Variants in ELMO2 observed in about 807,000 individuals in gnomAD.
ELMO2 encodes the protein engulfment and cell motility protein 2.
Under a neutral mutation model 96.2 loss-of-function variants are expected in ELMO2, and 37 were observed. The ratio of observed to expected loss-of-function variants is 0.38; its 90% CI spans 0.30 to 0.51. The LOEUF is 0.51. ELMO2 is among the 20% of genes least tolerant of loss of function. ELMO2 has a pLI of 0.88. For synonymous variants in ELMO2, 315 were observed against 329.4 expected, an observed-to-expected ratio of 0.96 and a Z score of 0.47; for missense variants, 561 against 912.6, an observed-to-expected ratio of 0.61 and a Z score of 4.96.
rs2059705917 is a variant in ELMO2, at chr20:46,371,499, T to A, written c.1694-40A>T. On this transcript the variant is annotated intron_variant, in intron 18 of 21. Transcript: ENST00000290246. This position sits in a 1 kb window ranked among gnomAD's most constrained non-coding sequence, Gnocchi z 5.9. ...AAGCCAAACAGGTGAGCAACGACAG[T>A]ACTGGGAAAGGCCTGGGCACAAAAG... 29 of 1,612,910 alleles carry A rather than the reference T, an allele frequency of 1.8e-5. No homozygotes were observed. Among genetic ancestry groups the A allele is most frequent in the Non-Finnish European group, 2.4e-5 (28 of 1,179,058 alleles).
At chr20:46,382,321 C>CA (rs2059971650) in intron 10 of ELMO2, 1 of 1,237,214 alleles carries the variant, frequency 8.1e-7, no homozygotes, top group East Asian at 5.6e-5. Flanking sequence ...ACCGGGAAGG[C>CA]AGATTAACAG....
At position 46,375,177 on chromosome 20, in the gene ELMO2, A is replaced by C. The variant is rs2059832517; in HGVS notation, c.1065+59T>G. 3.8e-6 allele frequency: 6 copies of C among 1,580,776 alleles called. No individual in the cohort carries two copies. The Admixed American group carries it at 8.5e-5, about 22-fold the overall frequency. ...GTTGTCAGAGCTCTGTCTGGGTGGG[A>C]CCATTGACTTCCCATCAGGGGAGAG... On this transcript the variant is annotated intron_variant, in intron 13 of 21. Transcript: ENST00000290246. The surrounding 1 kb of genome is among the most constrained non-coding windows in gnomAD (Gnocchi z 4.6).
Position 46,371,854 on chromosome 20 carries a change from C to T in ELMO2, c.1532G>A (p.Arg511His). 6.2e-7 allele frequency: 1 copy of T among 1,614,182 alleles called. No individual in the cohort carries two copies. The highest frequency in any genetic ancestry group is 8.5e-7 in the Non-Finnish European group (1 of 1,180,036). Residue 511 changes from arginine to histidine, a missense_variant, in exon 17 of 22, where the codon CGC becomes CAC. Coordinates refer to ENST00000290246, the MANE Select transcript of ELMO2 (RefSeq NM_133171.5). The surrounding 1 kb of genome is among the most constrained non-coding windows in gnomAD (Gnocchi z 5.9). ...SLSYSEILRL[R>H]QSERMSQDDF... ...ATCCTGACTCATCCTCTCAGACTGG[C>T]GCAGTCGTAGAATCTCAGAGTAACT... is the stretch of plus-strand genomic sequence containing the variant.
intron 9 of ELMO2, among the ~76,000 whole-genome samples, chr20:46,384,860 G>T (rs1030972178): frequency 4.0e-5 from 6 of 151,602 alleles, no homozygotes; most frequent in Admixed American, 3.9e-4. Flanking sequence ...CCAGCTACTC[G>T]GGAGGCTGAG....
chr20:46,404,412 C>T (rs2060389514), intron 1 of ELMO2, among the ~76,000 whole-genome samples: 1 of 152,178 alleles, frequency 6.6e-6, no homozygotes, highest in Non-Finnish European at 1.5e-5. Flanking sequence ...ACTTCCTTTG[C>T]ACCTCCTAGA....
chr20:46,370,669 G>A, intron 19 of ELMO2, 144 bp from the exon 20 acceptor site: 1 of 755,464 alleles, frequency 1.3e-6, no homozygotes, highest in Non-Finnish European at 2.3e-6. Context: ...AGCTCAGTGA[G>A]GGTGGTGGGG....
In ELMO2 at chr20:46,390,586, A is replaced by G. The variant is rs2145832299; in HGVS notation, c.244-1366T>C. On this transcript the variant is annotated intron_variant, in intron 6 of 21. Coordinates refer to ENST00000290246, the MANE Select transcript of ELMO2 (RefSeq NM_133171.5). The stretch of plus-strand genomic sequence containing the variant: ...AAGCTGCGGCTAAAATCCCTCCTCT[A>G]GTATTCACTGGGCTTTCCTTCCGCT... 2.0e-5 allele frequency among the ~76,000 whole-genome samples: 3 copies of G among 152,342 alleles called. 1 individual carries two copies. The Middle Eastern group carries it at 0.01, about 518-fold the overall frequency.
At chr20:46,378,591 G>A (rs184988680) in intron 11 of ELMO2, among the ~76,000 whole-genome samples, 7 of 152,346 alleles carry the variant, frequency 4.6e-5, no homozygotes, top group African/African-American at 1.7e-4. Flanking sequence ...GTAGCTGGGT[G>A]TGACCAGGGA....
intron 1 of ELMO2, among the ~76,000 whole-genome samples, chr20:46,406,106 G>C (rs1301868453): frequency 6.6e-6 from 1 of 152,146 alleles, no homozygotes; most frequent in Non-Finnish European, 1.5e-5. Flanking sequence ...GGTGGACGCG[G>C]GCAGCCGGGT....
At chr20:46,382,247 G>A (rs562559094) in intron 10 of ELMO2, 92 of 1,289,798 alleles carry the variant, frequency 7.1e-5, no homozygotes, top group East Asian at 3.3e-4. Context: ...TTGTCCTGCC[G>A]GCAGAAAGCA....
At chr20:46,405,113 C>G (rs2060405584) in intron 1 of ELMO2, among the ~76,000 whole-genome samples, 1 of 152,158 alleles carries the variant, frequency 6.6e-6, no homozygotes, top group Admixed American at 6.5e-5. Flanking sequence ...TGAAGCAAAA[C>G]CGACACTATC....
chr20:46,368,495 C>T (rs999475774), intron 21 of ELMO2, among the ~76,000 whole-genome samples: 1 of 151,982 alleles, frequency 6.6e-6, no homozygotes, highest in Non-Finnish European at 1.5e-5. Flanking sequence ...GAGAATTTTC[C>T]CAGTCCCAGG....
At position 46,385,010 on chromosome 20, in the gene ELMO2, A is replaced by C. The variant is rs1467720611; in HGVS notation, c.677+1114T>G. 2.0e-5 allele frequency among the ~76,000 whole-genome samples: 3 copies of C among 152,168 alleles called. No homozygotes were observed. The East Asian group carries it at 5.8e-4, about 29-fold the overall frequency. On this transcript the variant is annotated intron_variant, in intron 9 of 21. Transcript: ENST00000290246. ...AAATTCCTTAAAAGTGACAAGGAGA[A>C]ATCAGAGTTGCAAAGAAATAATTGT... is the stretch of plus-strand genomic sequence containing the variant.
intron 7 of ELMO2, 112 bp downstream of exon 7, chr20:46,388,927 C>T: frequency 1.9e-6 from 2 of 1,055,876 alleles, no homozygotes; most frequent in East Asian, 2.4e-5. Context: ...GCTCTGCACA[C>T]AGGTGGTATT....
At chr20:46,391,771 C>T (rs1006912003) in intron 6 of ELMO2, among the ~76,000 whole-genome samples, 5 of 152,180 alleles carry the variant, frequency 3.3e-5, no homozygotes, top group African/African-American at 9.7e-5. Context: ...ACAACCAACA[C>T]GAAGGGTCAG....
At position 46,366,186 on chromosome 20, in the gene ELMO2, G is replaced by C. The variant is rs536045192; in HGVS notation, c.*1174C>G. The C allele has an allele frequency of 2.6e-5, 4 of 152,678 alleles. No homozygotes were observed. Among genetic ancestry groups the C allele is most frequent in the African/African-American group, 7.2e-5 (3 of 41,528 alleles). 9.5% of individuals were successfully genotyped at this position (152,678 alleles called of 1,614,324 possible). On this transcript the variant is annotated 3_prime_UTR_variant, in exon 22 of 22. Transcript: ENST00000290246. ...CCCCTCAATTTTATTTTTCCCCAAGGTTCCATCCTAAGATAGGTAGATCTT... is the reference window on the plus strand; with the variant it reads ...CCCCTCAATTTTATTTTTCCCCAAGCTTCCATCCTAAGATAGGTAGATCTT...
Position 46,367,410 on chromosome 20 carries a change from G to A in ELMO2, c.2113C>T (p.Pro705Ser). The change falls in exon 22 of 22, where the codon CCC becomes TCC. Residue 705 changes from proline to serine, a missense_variant. By Grantham distance (74) the Pro-to-Ser change is moderately conservative (BLOSUM62 -1). Transcript: ENST00000290246. ...TAGCTGCTGGGCTCCTTGGGGATGG[G>A]GGGTGGGGCTTCGGGAATCTGGATG... ...ENIQIPEAPP[P>S]IPKEPSSYDF... 6.2e-7 allele frequency: 1 copy of A among 1,610,354 alleles called. No homozygotes were observed. Among genetic ancestry groups the A allele is most frequent in the Non-Finnish European group, 8.5e-7 (1 of 1,178,494 alleles).
intron 21 of ELMO2, among the ~76,000 whole-genome samples, chr20:46,367,762 T>C (rs1158648207): frequency 6.6e-6 from 1 of 152,172 alleles, no homozygotes; most frequent in Non-Finnish European, 1.5e-5. Flanking sequence ...TAAGGGGTTT[T>C]ATATTACAAC....
At chr20:46,394,337 G>T in intron 3 of ELMO2, 68 bp downstream of exon 3, 1 of 1,539,094 alleles carries the variant, frequency 6.5e-7, no homozygotes, top group Non-Finnish European at 9.0e-7. Flanking sequence ...CATCCCTCAA[G>T]ATGTCCTCTG....
Sources: allele counts gnomAD v4.1 joint callset (sites outside exome capture counted in the v4.1 genomes callset), GRCh38; gene constraint gnomAD v4.1.1; non-coding constraint Gnocchi (gnomAD v3.1); transcripts MANE v1.5; gene names NCBI Gene and HGNC (gene_info 2026-07-23, HGNC 2026-07-21).